DGKB: variants seen among roughly 807,000 people sequenced by gnomAD.
DGKB encodes the protein diacylglycerol kinase beta.
DGKB carries 67 observed loss-of-function variants against 114.3 expected under a neutral mutation model. The observed-to-expected ratio is 0.59, with a 90% CI of 0.48 to 0.72. The LOEUF is 0.72. DGKB is among the 30% of genes least tolerant of loss of function. DGKB has a pLI of 0.00. For synonymous variants in DGKB, 398 were observed against 323.1 expected (o/e 1.23, Z -2.49); for missense variants, 907 against 975.2 (o/e 0.93, Z 0.93).
chr7:14,198,724 A>G (rs1006876605), intron 23 of DGKB, among the ~76,000 whole-genome samples: 54 of 152,040 alleles, frequency 3.6e-4, no homozygotes, highest in African/African-American at 1.2e-3. Flanking sequence ...AATCAGCAAG[A>G]GTACTGGCCA....
At chr7:14,441,562 T>C (rs1014558593) in intron 21 of DGKB, among the ~76,000 whole-genome samples, 1 of 152,288 alleles carries the variant, frequency 6.6e-6, no homozygotes, top group Non-Finnish European at 1.5e-5. Flanking sequence ...TCTGGACTCA[T>C]AAATTGTTCT....
At chr7:14,912,480 T>C (rs1406170849) in intron 1 of DGKB, among the ~76,000 whole-genome samples, 1 of 152,076 alleles carries the variant, frequency 6.6e-6, no homozygotes, top group Admixed American at 6.6e-5. Context: ...ATTTATCTGA[T>C]AGTAATAGGT....
chr7:14,367,946 G>C (rs1440806524), intron 21 of DGKB, among the ~76,000 whole-genome samples: 1 of 152,022 alleles, frequency 6.6e-6, no homozygotes, highest in East Asian at 1.9e-4. Flanking sequence ...GGGGATTATG[G>C]GGATTACAAT....
chr7:14,858,933 A>C (rs928930487), intron 1 of DGKB, among the ~76,000 whole-genome samples: 1 of 152,186 alleles, frequency 6.6e-6, no homozygotes, highest in African/African-American at 2.4e-5. Context: ...TCAGTCTATT[A>C]GGGAAAACAG....
chr7:14,228,100 C>T (rs559661655), intron 23 of DGKB, among the ~76,000 whole-genome samples: 27 of 152,074 alleles, frequency 1.8e-4, no homozygotes, highest in African/African-American at 5.1e-4. Flanking sequence ...CTGGCTTTGA[C>T]GATGAGGGTT....
chr7:14,972,803 G>A (rs1274569189), intron 1 of DGKB, among the ~76,000 whole-genome samples: 1 of 151,974 alleles, frequency 6.6e-6, no homozygotes, highest in East Asian at 1.9e-4. Flanking sequence ...TAGTTATAGC[G>A]AAATATATCA....
At chr7:14,272,884 T>C (rs759859300) in intron 23 of DGKB, among the ~76,000 whole-genome samples, 26 of 152,142 alleles carry the variant, frequency 1.7e-4, no homozygotes, top group Non-Finnish European at 3.4e-4. Context: ...AAAAAAGATA[T>C]AAAATGTGTA....
At chr7:14,697,025 A>C (rs1416582628) in intron 8 of DGKB, among the ~76,000 whole-genome samples, 1 of 152,214 alleles carries the variant, frequency 6.6e-6, no homozygotes, top group African/African-American at 2.4e-5. Flanking sequence ...TTATTCATAT[A>C]CACTTTGCTA....
intron 25 of DGKB, among the ~76,000 whole-genome samples, chr7:14,156,013 G>C (rs914505427): frequency 6.6e-6 from 1 of 152,118 alleles, no homozygotes; most frequent in Non-Finnish European, 1.5e-5. Flanking sequence ...GCAGATGTTA[G>C]ACTTTGTAAC....
chr7:14,397,042 G>GGAGA (rs148538737), intron 21 of DGKB, among the ~76,000 whole-genome samples: 4 of 150,606 alleles, frequency 2.7e-5, no homozygotes, highest in African/African-American at 9.7e-5. Flanking sequence ...AAGCTTTCTG[G>GGAGA]GAGAGAGAGA....
intron 23 of DGKB, among the ~76,000 whole-genome samples, chr7:14,289,455 A>G (rs1349138300): frequency 6.6e-6 from 1 of 152,210 alleles, no homozygotes; most frequent in Non-Finnish European, 1.5e-5. Flanking sequence ...CATGTTATAC[A>G]CTACACTAAA....
At chr7:14,765,083 C>A (rs1322557878) in intron 2 of DGKB, among the ~76,000 whole-genome samples, 1 of 151,872 alleles carries the variant, frequency 6.6e-6, no homozygotes, top group Admixed American at 6.6e-5. Flanking sequence ...ATAATAACAG[C>A]CATATTGTAG....
At chr7:14,699,018 A>G (rs545080849) in intron 7 of DGKB, among the ~76,000 whole-genome samples, 1 of 152,076 alleles carries the variant, frequency 6.6e-6, no homozygotes, top group South Asian at 2.1e-4. Context: ...CTAATCTAAT[A>G]TATGTAGTCG....
At chr7:14,566,155 A>C (rs1436432053) in intron 20 of DGKB, among the ~76,000 whole-genome samples, 1 of 152,172 alleles carries the variant, frequency 6.6e-6, no homozygotes, top group African/African-American at 2.4e-5. Flanking sequence ...TGCTTTAGGA[A>C]GATGTAATAT....
At chr7:14,655,533 G>A (rs67138874) in intron 13 of DGKB, among the ~76,000 whole-genome samples, 18,957 of 151,514 alleles carry the variant, frequency 0.13, 1,930 homozygotes, top group East Asian at 0.48. Flanking sequence ...CCTGTTATTG[G>A]GTATTTAGCC....
intron 23 of DGKB, among the ~76,000 whole-genome samples, chr7:14,189,945 A>T (rs10281999): frequency 0.09 from 13,663 of 152,214 alleles, 1,575 homozygotes; most frequent in African/African-American, 0.27. Flanking sequence ...GATAGAACAC[A>T]ATACAAAATA....
intron 1 of DGKB, among the ~76,000 whole-genome samples, chr7:14,965,427 T>C (rs1159976724): frequency 6.6e-6 from 1 of 152,130 alleles, no homozygotes; most frequent in African/African-American, 2.4e-5. Flanking sequence ...TCATCTCAAG[T>C]AGATGGAATT....
intron 23 of DGKB, among the ~76,000 whole-genome samples, chr7:14,252,747 C>CAGG (rs1426022937): frequency 2.0e-5 from 3 of 152,168 alleles, no homozygotes; most frequent in Admixed American, 6.5e-5. Flanking sequence ...CTTGGGTACA[C>CAGG]AGGAGCAAGT....
intron 19 of DGKB, among the ~76,000 whole-genome samples, chr7:14,580,092 TTC>T (rs1366383328): frequency 6.6e-6 from 1 of 152,174 alleles, no homozygotes; most frequent in African/African-American, 2.4e-5. Context: ...TCTCCAAATA[TTC>T]TCTCTTTGCT....
Sources: allele counts gnomAD v4.1 joint callset (sites outside exome capture counted in the v4.1 genomes callset), GRCh38; gene constraint gnomAD v4.1.1; transcripts MANE v1.5; gene names NCBI Gene and HGNC (gene_info 2026-07-23, HGNC 2026-07-21).